CSMD1: variants seen among roughly 807,000 people sequenced by gnomAD.
The protein encoded by CSMD1 is CUB and sushi domain-containing protein 1.
Under a neutral mutation model 417.5 loss-of-function variants are expected in CSMD1, and 213 were observed. The ratio of observed to expected loss-of-function variants is 0.51; its 90% CI spans 0.46 to 0.57. CSMD1 has a LOEUF of 0.57. CSMD1 is among the 20% of genes least tolerant of loss of function. The pLI is 0.00. For synonymous variants in CSMD1, 2,862 were observed against 1,736.8 expected, an observed-to-expected ratio of 1.65 and a Z score of -16.11; for missense variants, 6,923 against 4,529.7, an observed-to-expected ratio of 1.53 and a Z score of -15.17.
At chr8:3,076,718 G>A (rs1427310112) in intron 49 of CSMD1, among the ~76,000 whole-genome samples, 1 of 152,168 alleles carries the variant, frequency 6.6e-6, no homozygotes, top group Non-Finnish European at 1.5e-5. Flanking sequence ...TTGGTGAGAT[G>A]GTTGAGCCAA....
chr8:3,106,657 C>T lies in CSMD1; in HGVS notation c.6836-16G>A, dbSNP rs1816169191. 2.6e-6 allele frequency: 4 copies of T among 1,536,084 alleles called. No individual in the cohort carries two copies. In the East Asian group the frequency reaches 9.0e-5, roughly 35 times the overall value. The stretch of plus-strand genomic sequence containing the variant: ...ACAAAATCTCCTAGAAGAGTCAATG[C>T]AACAAACCAGGAAATTGTGTGTGAC... On this transcript the variant is annotated splice_polypyrimidine_tract_variant and intron_variant, in intron 45 of 69. Coordinates refer to ENST00000635120, the MANE Select transcript of CSMD1 (RefSeq NM_033225.6).
intron 1 of CSMD1, among the ~76,000 whole-genome samples, chr8:4,666,356 G>C (rs1315916224): frequency 1.3e-5 from 2 of 152,276 alleles, no homozygotes; most frequent in South Asian, 4.1e-4. Flanking sequence ...ACATGGAAGA[G>C]GGAGGCAGAG....
In CSMD1 at chr8:4,906,937, C is replaced by T. The variant is rs544204265; in HGVS notation, c.85+87395G>A. ...ACTGACTATATTAGTAGGTATTTTC[C>T]TATTAGTCTTTCCTAAATGACTTGC... On this transcript the variant is annotated intron_variant, in intron 1 of 69. Coordinates refer to ENST00000635120, the MANE Select transcript of CSMD1 (RefSeq NM_033225.6). 1.2e-4 allele frequency among the ~76,000 whole-genome samples: 18 copies of T among 152,264 alleles called. No homozygotes were observed. In the South Asian group the frequency reaches 3.5e-3, roughly 30 times the overall value.
chr8:4,501,114 G>A (rs1267335015), intron 2 of CSMD1, among the ~76,000 whole-genome samples: 1 of 151,994 alleles, frequency 6.6e-6, no homozygotes, highest in East Asian at 1.9e-4. Context: ...ATGAAGAAAA[G>A]GAGTATCATG....
At chr8:3,980,593 A>T (rs1254285822) in intron 5 of CSMD1, among the ~76,000 whole-genome samples, 1 of 151,874 alleles carries the variant, frequency 6.6e-6, no homozygotes, top group African/African-American at 2.4e-5. Flanking sequence ...CCCCCTTGTT[A>T]ATTTGTTTTT....
intron 5 of CSMD1, among the ~76,000 whole-genome samples, chr8:3,911,359 T>C (rs1256644871): frequency 6.6e-6 from 1 of 151,664 alleles, no homozygotes; most frequent in Non-Finnish European, 1.5e-5. Flanking sequence ...AAACCCCATC[T>C]CTACTAAAAA....
chr8:4,231,516 G>C (rs1485631642), intron 3 of CSMD1, among the ~76,000 whole-genome samples: 1 of 34,972 alleles, frequency 2.9e-5, no homozygotes, highest in East Asian at 9.0e-4. Context: ...ACATAAGAAA[G>C]GTCTGTAATT....
At chr8:4,105,309 A>G (rs1239396193) in intron 3 of CSMD1, among the ~76,000 whole-genome samples, 1 of 151,030 alleles carries the variant, frequency 6.6e-6, no homozygotes, top group African/African-American at 2.4e-5. Flanking sequence ...TCATTGCTTT[A>G]GTGATCTTAA....
chr8:2,948,761 G>C (rs182730442), intron 68 of CSMD1, among the ~76,000 whole-genome samples: 31 of 152,098 alleles, frequency 2.0e-4, no homozygotes, highest in African/African-American at 7.2e-4. Context: ...ATTGTTGGAT[G>C]AACAAAGTAC....
chr8:3,657,114 G>C (rs1798149692), intron 7 of CSMD1, among the ~76,000 whole-genome samples: 1 of 152,070 alleles, frequency 6.6e-6, no homozygotes. Flanking sequence ...ATTGTCATTG[G>C]AGAATATGGC....
intron 3 of CSMD1, among the ~76,000 whole-genome samples, chr8:4,390,113 AT>A (rs1309097112): frequency 6.6e-6 from 1 of 152,168 alleles, no homozygotes; most frequent in African/African-American, 2.4e-5. Context: ...GTATTCCATA[AT>A]TTTTAATGCT....
chr8:4,001,168 T>C (rs899182759), intron 4 of CSMD1, among the ~76,000 whole-genome samples: 7 of 152,198 alleles, frequency 4.6e-5, no homozygotes, highest in African/African-American at 7.2e-5. Flanking sequence ...ATGTGCATGG[T>C]ATAGAATAAA....
At chr8:4,110,179 A>C (rs535635579) in intron 3 of CSMD1, among the ~76,000 whole-genome samples, 24 of 152,296 alleles carry the variant, frequency 1.6e-4, no homozygotes, top group East Asian at 9.6e-4. Context: ...TCTGGATCAC[A>C]TATCTAAAGA....
chr8:3,772,945 G>C (rs1026476662), intron 5 of CSMD1, among the ~76,000 whole-genome samples: 1 of 152,072 alleles, frequency 6.6e-6, no homozygotes, highest in Non-Finnish European at 1.5e-5. Context: ...CTGGGGTCTG[G>C]AGGTTCACTA....
At chr8:3,795,116 A>G (rs1464230635) in intron 5 of CSMD1, among the ~76,000 whole-genome samples, 1 of 71,198 alleles carries the variant, frequency 1.4e-5, no homozygotes, top group African/African-American at 5.6e-5. Context: ...ACAGCTATAG[A>G]TATCTATCAT....
chr8:4,984,535 G>C (rs1259146835), intron 1 of CSMD1, among the ~76,000 whole-genome samples: 1 of 152,168 alleles, frequency 6.6e-6, no homozygotes, highest in East Asian at 1.9e-4. Flanking sequence ...AAGTTTTCTT[G>C]TCTGTTCTCC....
chr8:4,612,043 G>A (rs1289541951), intron 2 of CSMD1, among the ~76,000 whole-genome samples: 2 of 152,138 alleles, frequency 1.3e-5, no homozygotes, highest in African/African-American at 2.4e-5. Context: ...AGAAAGCCAT[G>A]GTTCCCGGCG....
intron 7 of CSMD1, among the ~76,000 whole-genome samples, chr8:3,685,982 C>G (rs1210007159): frequency 6.6e-6 from 1 of 151,852 alleles, no homozygotes; most frequent in Non-Finnish European, 1.5e-5. Flanking sequence ...ATTTTGCTAC[C>G]AAATAAAATA....
intron 1 of CSMD1, among the ~76,000 whole-genome samples, chr8:4,779,598 G>A (rs1797044592): frequency 6.6e-6 from 1 of 152,226 alleles, no homozygotes; most frequent in Admixed American, 6.5e-5. Flanking sequence ...AACACAGGAA[G>A]CATTAGCTGT....
Sources: gnomAD v4.1 joint callset for allele counts (sites outside exome capture counted in the v4.1 genomes callset) on GRCh38, gnomAD v4.1.1 for gene constraint, MANE v1.5 for transcripts, NCBI Gene and HGNC (gene_info 2026-07-23, HGNC 2026-07-21) for gene names.